PCNT: variants seen among roughly 807,000 people sequenced by gnomAD.
PCNT encodes kendrin.
In PCNT, 319 loss-of-function variants were observed where a neutral mutation model predicts 380.4. The observed-to-expected ratio is 0.84, with a 90% CI of 0.77 to 0.92. The LOEUF (loss-of-function observed/expected upper bound fraction) is 0.92, where lower values mean the gene tolerates loss of function less well. Among genes scored for constraint, PCNT ranks in the 40% least tolerant of loss-of-function variants. PCNT has a pLI of 0.00. For missense variants in PCNT, 4,400 were observed against 4,255.3 expected (o/e 1.03, Z -0.95); for synonymous variants, 1,845 against 1,735.2 (o/e 1.06, Z -1.57).
At position 46,390,687 on chromosome 21, in the gene PCNT, A is replaced by T; in HGVS notation, c.3858A>T (p.Gln1286His). ...TTTAACAGCTGGAAGAAGCACGCCA[A>T]ATTCATTCTCGTTTTGAAAAAGAAT... Reference protein sequence around the residue: ...DSSRQLEEARQIHSRFEKEFS... With the variant: ...DSSRQLEEARHIHSRFEKEFS... Residue 1286 changes from glutamine to histidine, a missense_variant, in exon 20 of 47, where the codon CAA (glutamine) becomes CAT (histidine). Physicochemically the swap from Gln to His is conservative, Grantham distance 24. Transcript: ENST00000359568. 2 of 1,614,152 alleles carry T rather than the reference A, an allele frequency of 1.2e-6. No homozygotes were observed. The highest frequency in any genetic ancestry group is 1.7e-6 in the Non-Finnish European group (2 of 1,180,012).
rs145218324 is a variant in PCNT, at chr21:46,381,352, A to C, written c.3166-342A>C. Reference sequence around the variant, plus strand: ...AGGTTTCCAAATATCTTGGGTTTTCATGGCTGTAATTCCTTGATGGTGAAC... The same window carrying C: ...AGGTTTCCAAATATCTTGGGTTTTCCTGGCTGTAATTCCTTGATGGTGAAC... On this transcript the variant is annotated intron_variant, in intron 15 of 46. Transcript: ENST00000359568. Among the ~76,000 whole-genome samples the C allele has an allele frequency of 8.9e-3, 1,360 of 152,216 alleles. 10 individuals are homozygous for C. The highest frequency in any genetic ancestry group is 0.014 in the Non-Finnish European group (970 of 68,026).
intron 21 of PCNT, among the ~76,000 whole-genome samples, chr21:46,391,866 A>AG (rs1291145673): frequency 6.6e-6 from 1 of 152,266 alleles, no homozygotes; most frequent in Admixed American, 6.5e-5. Context: ...TCGAGCCTGC[A>AG]GGGAGCTGCG....
chr21:46,396,836 C>T (rs898029868), intron 21 of PCNT, among the ~76,000 whole-genome samples: 1 of 152,174 alleles, frequency 6.6e-6, no homozygotes, highest in African/African-American at 2.4e-5. Context: ...CTCCTGACGT[C>T]GAGTGATCCA....
At chr21:46,326,719 T>C (rs1418162031) in intron 2 of PCNT, 130 bp downstream of exon 2, 2 of 1,060,570 alleles carry the variant, frequency 1.9e-6, no homozygotes, top group Non-Finnish European at 2.8e-6. Context: ...TATTTTAGTT[T>C]ATAAAAAGTG....
At chr21:46,440,449 G>T (rs564436322) in intron 42 of PCNT, among the ~76,000 whole-genome samples, 1 of 152,328 alleles carries the variant, frequency 6.6e-6, no homozygotes, top group Non-Finnish European at 1.5e-5. Flanking sequence ...AGCAAATGGC[G>T]GCCTCTGCAG....
chr21:46,437,042 G>A lies in PCNT; in HGVS notation c.9060G>A (p.Glu3020=). 2.5e-6 allele frequency: 4 copies of A among 1,614,164 alleles called. No individual in the cohort carries two copies. The highest frequency in any genetic ancestry group is 3.4e-6 in the Non-Finnish European group (4 of 1,179,984). The change falls in exon 40 of 47, where the codon GAG becomes GAA. Residue 3020 remains glutamate (E), a synonymous_variant. Coordinates refer to ENST00000359568, the MANE Select transcript of PCNT (RefSeq NM_006031.6). ...TGATGTCTTTACTGCACACGTTGGAGGAGCTGAAGTCTGACTTGAGCAGGC... is the reference window on the plus strand; with the variant it reads ...TGATGTCTTTACTGCACACGTTGGAAGAGCTGAAGTCTGACTTGAGCAGGC... ...KAVMSLLHTL[E]ELKSDLSRPT...
At chr21:46,337,891 T>C (rs1397187486) in intron 3 of PCNT, among the ~76,000 whole-genome samples, 1 of 151,990 alleles carries the variant, frequency 6.6e-6, no homozygotes, top group African/African-American at 2.4e-5. Flanking sequence ...CTGTTTTTTT[T>C]GAGACAGTGT....
intron 16 of PCNT, among the ~76,000 whole-genome samples, chr21:46,385,120 T>C (rs144388141): frequency 6.6e-6 from 1 of 152,314 alleles, no homozygotes; most frequent in African/African-American, 2.4e-5. Context: ...TTCGGGAGGC[T>C]GAGGCAGGAG....
At chr21:46,436,276 C>T (rs2053444633) in intron 39 of PCNT, 128 bp downstream of exon 39, 6 of 1,046,772 alleles carry the variant, frequency 5.7e-6, no homozygotes, top group Non-Finnish European at 7.1e-6. Context: ...CTCTAGTCCT[C>T]TTTCTGAGAC....
At chr21:46,352,537 C>T (rs1009943268) in intron 9 of PCNT, among the ~76,000 whole-genome samples, 1 of 152,200 alleles carries the variant, frequency 6.6e-6, no homozygotes, top group Admixed American at 6.5e-5. Context: ...TGCTGGCTGT[C>T]AGCTGCTGTA....
intron 2 of PCNT, 47 bp from the exon 3 acceptor site, chr21:46,334,350 C>T (rs778285083): frequency 1.2e-6 from 2 of 1,613,350 alleles, no homozygotes; most frequent in Non-Finnish European, 1.7e-6. Flanking sequence ...GAGGCTGCAG[C>T]CCTAGACCTT....
intron 15 of PCNT, among the ~76,000 whole-genome samples, chr21:46,377,183 C>T (rs974012235): frequency 2.0e-5 from 3 of 152,220 alleles, no homozygotes; most frequent in African/African-American, 7.2e-5. Context: ...GGCACTCACT[C>T]ATTGTTGACG....
chr21:46,397,449 G>T lies in PCNT; in HGVS notation c.4401G>T (p.Val1467=). The T allele has an allele frequency of 1.2e-6, 2 of 1,614,166 alleles. No homozygotes were observed. Among genetic ancestry groups the T allele is most frequent in the Non-Finnish European group, 1.7e-6 (2 of 1,180,024 alleles). Residue 1467 remains valine (V), a synonymous_variant, in exon 22 of 47, where the codon GTG becomes GTT. Coordinates refer to ENST00000359568, the MANE Select transcript of PCNT (RefSeq NM_006031.6). ...CCGTCACTGCCCTGGAACAGCAGGT[G>T]GCATCTCTGGACAAGCATTTGCGCA... is the stretch of plus-strand genomic sequence containing the variant. ...AEAVTALEQQ[V]ASLDKHLRNQ...
intron 2 of PCNT, among the ~76,000 whole-genome samples, chr21:46,329,777 A>G (rs1230254874): frequency 1.3e-5 from 2 of 152,256 alleles, no homozygotes; most frequent in Admixed American, 6.5e-5. Flanking sequence ...TGCTGTGAGT[A>G]GTAACTTAAC....
chr21:46,442,972 G>A (rs912538149), intron 44 of PCNT: 1 of 310,640 alleles, frequency 3.2e-6, no homozygotes, highest in Non-Finnish European at 6.3e-6. Context: ...CCGAGCCATT[G>A]CCCCCTACAG....
intron 27 of PCNT, among the ~76,000 whole-genome samples, chr21:46,409,571 C>A (rs1385293177): frequency 6.6e-6 from 1 of 152,152 alleles, no homozygotes; most frequent in Non-Finnish European, 1.5e-5. Flanking sequence ...GCATTCAGGT[C>A]TCCTTGAATA....
At chr21:46,361,367 A>T (rs2084710128) in intron 13 of PCNT, among the ~76,000 whole-genome samples, 1 of 152,236 alleles carries the variant, frequency 6.6e-6, no homozygotes. Context: ...TTCCAGCCTG[A>T]GCGGCAGAGC....
chr21:46,398,278 G>C, intron 24 of PCNT, 23 bp downstream of exon 24: 1 of 1,594,506 alleles, frequency 6.3e-7, no homozygotes, highest in Non-Finnish European at 8.5e-7. Flanking sequence ...CAACGAGATG[G>C]GCACTCCCTG....
rs148080319 is a variant in PCNT, at chr21:46,326,526, C to G, written c.204C>G (p.Asp68Glu). 1.2e-6 allele frequency: 2 copies of G among 1,614,036 alleles called. No homozygotes were observed. The highest frequency in any genetic ancestry group is 1.7e-6 in the Non-Finnish European group (2 of 1,180,032). The change falls in exon 2 of 47, where the codon GAC (aspartate) becomes GAG (glutamate). Residue 68 changes from aspartate to glutamate, a missense_variant. Coordinates refer to ENST00000359568, the MANE Select transcript of PCNT (RefSeq NM_006031.6). ...ACAGCGCACTCTGTGGAGGAGGGGA[C>G]ATTTGCAAAAGCACATCATGTGACG... ...KEDSALCGGG[D>E]ICKSTSCDDT...
Sources: gnomAD v4.1 joint callset for allele counts (sites outside exome capture counted in the v4.1 genomes callset) on GRCh38, gnomAD v4.1.1 for gene constraint, MANE v1.5 for transcripts, NCBI Gene and HGNC (gene_info 2026-07-23, HGNC 2026-07-21) for gene names.